Variants in TMEM232 observed in about 807,000 individuals in gnomAD.
The protein encoded by TMEM232 is transmembrane protein 232.
In TMEM232, 80 loss-of-function variants were observed where a neutral mutation model predicts 78.8. The ratio of observed to expected loss-of-function variants is 1.01; its 90% CI spans 0.85 to 1.22. TMEM232 has a LOEUF of 1.22. Among genes scored for constraint, TMEM232 ranks in the 50% most tolerant of loss-of-function variants. The pLI, the probability that TMEM232 is intolerant of heterozygous loss-of-function variation, is 0.00. For missense variants in TMEM232, 881 were observed against 742.2 expected (o/e 1.19, Z -2.17); for synonymous variants, 297 against 254.3 (o/e 1.17, Z -1.60).
intron 3 of TMEM232, among the ~76,000 whole-genome samples, chr5:110,392,089 G>T (rs971907328): frequency 1.3e-5 from 2 of 152,156 alleles, no homozygotes; most frequent in Non-Finnish European, 2.9e-5. Flanking sequence ...TAATGGTATT[G>T]CTATTGCAGA....
intron 1 of TMEM232, among the ~76,000 whole-genome samples, chr5:110,694,719 T>C (rs892101499): frequency 6.6e-6 from 1 of 151,880 alleles, no homozygotes; most frequent in African/African-American, 2.4e-5. Flanking sequence ...GGCCATTACA[T>C]AATGGTAAAG....
At chr5:110,596,614 A>G (rs192813249) in intron 10 of TMEM232, among the ~76,000 whole-genome samples, 3 of 152,226 alleles carry the variant, frequency 2.0e-5, no homozygotes, top group Non-Finnish European at 4.4e-5. Flanking sequence ...AAAAATCCTC[A>G]GTAAAATACT....
intron 1 of TMEM232, among the ~76,000 whole-genome samples, chr5:110,724,719 C>T (rs1206626325): frequency 1.3e-5 from 2 of 152,164 alleles, no homozygotes; most frequent in Non-Finnish European, 2.9e-5. Context: ...TTTATTTATT[C>T]ATTCACCAAA....
chr5:110,678,441 C>T (rs1792310642), intron 1 of TMEM232, among the ~76,000 whole-genome samples: 1 of 152,096 alleles, frequency 6.6e-6, no homozygotes, highest in African/African-American at 2.4e-5. Context: ...ACCTCCAACT[C>T]CCATACTTGC....
At chr5:110,532,656 G>C (rs377714890) in intron 11 of TMEM232, among the ~76,000 whole-genome samples, 27 of 151,940 alleles carry the variant, frequency 1.8e-4, no homozygotes, top group Non-Finnish European at 3.5e-4. Context: ...CTGGACTACA[G>C]CTATATCTCA....
At chr5:110,520,719 G>A (rs1769379404) in intron 12 of TMEM232, among the ~76,000 whole-genome samples, 1 of 151,924 alleles carries the variant, frequency 6.6e-6, no homozygotes, top group Admixed American at 6.6e-5. Context: ...CGGTGGTCGA[G>A]ACCAACTTGA....
rs75046520 is a variant in TMEM232, at chr5:110,563,133, C to T, written c.1455+5314G>A. ...ATTTAATATTTAAAATAAATGAAAA[C>T]ACCCTTTAAATGTCTTCTAAGCATT... On this transcript the variant is annotated intron_variant, in intron 11 of 13. Coordinates refer to ENST00000455884, the MANE Select transcript of TMEM232 (RefSeq NM_001039763.4). Among the ~76,000 whole-genome samples, 133 of 151,980 alleles carry T rather than the reference C, an allele frequency of 8.8e-4. 5 individuals are homozygous for T. In the East Asian group the frequency reaches 0.024, roughly 28 times the overall value.
At chr5:110,474,642 T>C (rs1763050624) in intron 12 of TMEM232, among the ~76,000 whole-genome samples, 1 of 151,944 alleles carries the variant, frequency 6.6e-6, no homozygotes, top group Non-Finnish European at 1.5e-5. Context: ...TTAGTGACTT[T>C]TATACTTAGA....
intron 1 of TMEM232, among the ~76,000 whole-genome samples, chr5:110,722,397 T>C (rs1330749704): frequency 6.6e-6 from 1 of 152,172 alleles, no homozygotes; most frequent in Non-Finnish European, 1.5e-5. Flanking sequence ...GTCAGTCAGC[T>C]AGTCATCTAA....
chr5:110,648,781 C>A (rs149534428), intron 2 of TMEM232, among the ~76,000 whole-genome samples: 2 of 152,050 alleles, frequency 1.3e-5, no homozygotes, highest in Non-Finnish European at 2.9e-5. Flanking sequence ...CTCTCCTAAA[C>A]GCATGTTCTT....
chr5:110,563,299 A>G (rs1371730007), intron 11 of TMEM232, among the ~76,000 whole-genome samples: 1 of 151,936 alleles, frequency 6.6e-6, no homozygotes, highest in East Asian at 1.9e-4. Context: ...TGAATTTCAA[A>G]TGTAATTATC....
chr5:110,454,837 A>G (rs1025610116), intron 12 of TMEM232, among the ~76,000 whole-genome samples: 4 of 83,248 alleles, frequency 4.8e-5, no homozygotes, highest in Non-Finnish European at 7.4e-5. Flanking sequence ...ATAATAGATA[A>G]GAGGTGCATT....
intron 11 of TMEM232, among the ~76,000 whole-genome samples, chr5:110,535,432 A>C (rs1772204024): frequency 6.6e-6 from 1 of 152,116 alleles, no homozygotes; most frequent in Non-Finnish European, 1.5e-5. Flanking sequence ...CTTTAGACTC[A>C]GCCCGCCTGC....
chr5:110,443,921 G>C (rs1440976554), intron 12 of TMEM232, among the ~76,000 whole-genome samples: 5 of 152,192 alleles, frequency 3.3e-5, no homozygotes, highest in African/African-American at 1.2e-4. Flanking sequence ...ACTCTGCCCA[G>C]TACCCTGTGC....
chr5:110,591,303 C>T (rs578176986), intron 10 of TMEM232, among the ~76,000 whole-genome samples: 2 of 152,126 alleles, frequency 1.3e-5, no homozygotes, highest in East Asian at 3.9e-4. Flanking sequence ...ACTAAAAATA[C>T]AAAAATTAGT....
chr5:110,595,755 C>T (rs142391331), intron 10 of TMEM232, among the ~76,000 whole-genome samples: 5,135 of 151,920 alleles, frequency 0.034, 130 homozygotes, highest in African/African-American at 0.065. Context: ...GAACAAAACC[C>T]CCAAGAGATG....
At chr5:110,577,610 T>G (rs1241007659) in intron 10 of TMEM232, among the ~76,000 whole-genome samples, 1 of 152,026 alleles carries the variant, frequency 6.6e-6, no homozygotes. Context: ...AGCAAAGACA[T>G]AGAATCAACC....
At chr5:110,697,641 T>A (rs1377599146) in intron 1 of TMEM232, among the ~76,000 whole-genome samples, 1 of 152,120 alleles carries the variant, frequency 6.6e-6, no homozygotes, top group Admixed American at 6.6e-5. Flanking sequence ...AGGCAAAGGA[T>A]ATGAACAGAC....
intron 12 of TMEM232, among the ~76,000 whole-genome samples, chr5:110,429,258 T>C (rs1192882534): frequency 6.6e-6 from 1 of 151,736 alleles, no homozygotes; most frequent in Non-Finnish European, 1.5e-5. Context: ...GTAAGAGAGA[T>C]CTACCTGGAT....
Sources: gnomAD v4.1 joint callset for allele counts (sites outside exome capture counted in the v4.1 genomes callset) on GRCh38, gnomAD v4.1.1 for gene constraint, MANE v1.5 for transcripts, NCBI Gene and HGNC (gene_info 2026-07-23, HGNC 2026-07-21) for gene names.